USP10: variants seen among roughly 807,000 people sequenced by gnomAD.
The protein encoded by USP10 is ubiquitin carboxyl-terminal hydrolase 10.
USP10 carries 22 observed loss-of-function variants against 84.5 expected under a neutral mutation model. The ratio of observed to expected loss-of-function variants is 0.26; its 90% confidence interval spans 0.19 to 0.37. The LOEUF (loss-of-function observed/expected upper bound fraction) is 0.37, where lower values mean the gene tolerates loss of function less well. USP10 is among the 10% of genes least tolerant of loss of function. USP10 has a pLI of 1.00. For synonymous variants in USP10, 454 were observed against 387.6 expected (o/e 1.17, Z -2.01); for missense variants, 1,019 against 998.9 (o/e 1.02, Z -0.27).
intron 1 of USP10, chr16:84,732,441 C>CTTTTT: frequency 2.5e-6 from 1 of 397,196 alleles, no homozygotes. Context: ...ACTTCTTCTT[C>CTTTTT]TTCTTTTTTT....
chr16:84,723,051 C>T (rs775743453), intron 1 of USP10, among the ~76,000 whole-genome samples: 7 of 151,776 alleles, frequency 4.6e-5, no homozygotes, highest in Non-Finnish European at 8.8e-5. Flanking sequence ...CACTGGAAAC[C>T]GGTGGTCTTA....
At chr16:84,738,433 T>G (rs953752729) in intron 2 of USP10, among the ~76,000 whole-genome samples, 9 of 152,198 alleles carry the variant, frequency 5.9e-5, no homozygotes, top group Non-Finnish European at 1.3e-4. Context: ...CTAAACTGTC[T>G]TCTTTGACCA....
intron 4 of USP10, among the ~76,000 whole-genome samples, chr16:84,747,894 G>T (rs765232247): frequency 1.4e-4 from 22 of 151,970 alleles, no homozygotes; most frequent in Non-Finnish European, 2.5e-4. Context: ...ACAGCTTTCA[G>T]AATGTATTTA....
intron 11 of USP10, among the ~76,000 whole-genome samples, chr16:84,769,005 G>T (rs995392785): frequency 6.6e-6 from 1 of 152,206 alleles, no homozygotes; most frequent in Admixed American, 6.5e-5. Context: ...CTGTCCAGAT[G>T]TGCCAGCTTA....
At chr16:84,716,016 A>G (rs1277561823) in intron 1 of USP10, among the ~76,000 whole-genome samples, 1 of 152,080 alleles carries the variant, frequency 6.6e-6, no homozygotes, top group African/African-American at 2.4e-5. Context: ...GTCGTCCCTC[A>G]ACCAGAGCAC....
At chr16:84,738,601 A>G (rs1283495685) in intron 2 of USP10, among the ~76,000 whole-genome samples, 1 of 152,172 alleles carries the variant, frequency 6.6e-6, no homozygotes, top group African/African-American at 2.4e-5. Flanking sequence ...AGTGTAGCCC[A>G]TCTCAGCATA....
Position 84,777,063 on chromosome 16 carries a change from A to C in USP10, c.2210-1832A>C, listed in dbSNP as rs189823936. On this transcript the variant is annotated intron_variant, in intron 13 of 13. Transcript: ENST00000219473. ...CTGATCTTGGAAATGAGGTCACCGG[A>C]CTGGTTAGAATTACCTGTAGAGTGA... Among the ~76,000 whole-genome samples, 9 of 152,318 alleles carry C rather than the reference A, an allele frequency of 5.9e-5. No individual in the cohort carries two copies. The East Asian group carries it at 1.5e-3, about 26-fold the overall frequency.
chr16:84,757,116 A>C (rs1475938498), intron 4 of USP10, among the ~76,000 whole-genome samples: 2 of 152,120 alleles, frequency 1.3e-5, no homozygotes, highest in African/African-American at 4.8e-5. Flanking sequence ...CTTCTAGCAC[A>C]GTGTCCCTCA....
At chr16:84,774,681 A>G (rs1454676331) in intron 12 of USP10, among the ~76,000 whole-genome samples, 3 of 152,118 alleles carry the variant, frequency 2.0e-5, no homozygotes, top group Non-Finnish European at 4.4e-5. Flanking sequence ...TGTATTAGCC[A>G]GGATGGTCTC....
At position 84,731,222 on chromosome 16, in the gene USP10, G is replaced by A. The variant is rs765650966; in HGVS notation, c.22-2213G>A. Among the ~76,000 whole-genome samples, 6 of 150,778 alleles carry A rather than the reference G, an allele frequency of 4.0e-5. No individual in the cohort carries two copies. The East Asian group carries it at 5.8e-4, about 15-fold the overall frequency. Reference sequence around the variant, plus strand: ...TCTCGATCTTCTGACCTCATGATCCGCCCACCTCGGCCTCCCAGAGTGCTG... The same window carrying A: ...TCTCGATCTTCTGACCTCATGATCCACCCACCTCGGCCTCCCAGAGTGCTG... On this transcript the variant is annotated intron_variant, in intron 1 of 13. Coordinates refer to ENST00000219473, the MANE Select transcript of USP10 (RefSeq NM_005153.3).
At chr16:84,755,609 C>G (rs1912441704) in intron 4 of USP10, among the ~76,000 whole-genome samples, 1 of 152,020 alleles carries the variant, frequency 6.6e-6, no homozygotes, top group Non-Finnish European at 1.5e-5. Context: ...GCACTCCAGC[C>G]TGGGTAATAG....
intron 1 of USP10, among the ~76,000 whole-genome samples, chr16:84,728,037 A>G (rs1368463349): frequency 2.0e-5 from 3 of 152,190 alleles, no homozygotes; most frequent in South Asian, 2.1e-4. Flanking sequence ...GCCTTTCAGG[A>G]TATTGACTTT....
intron 1 of USP10, among the ~76,000 whole-genome samples, chr16:84,701,201 G>T (rs1904819717): frequency 6.6e-6 from 1 of 152,168 alleles, no homozygotes; most frequent in South Asian, 2.1e-4. Context: ...ATGATTTTCG[G>T]AACTATTGTA....
chr16:84,762,084 G>T (rs1913273704), intron 8 of USP10, among the ~76,000 whole-genome samples: 1 of 152,248 alleles, frequency 6.6e-6, no homozygotes, highest in Admixed American at 6.5e-5. Context: ...CTGATGATAA[G>T]TAACAGAATC....
In USP10 at chr16:84,700,122, G is replaced by T; in HGVS notation, c.21+11G>T. ...CTCCACAGCCCGCAGGTAGCCGCCG[G>T]TCTGCGCCTTCGGCCGGAAGGGGCC... On this transcript the variant is annotated intron_variant, in intron 1 of 13. Coordinates refer to ENST00000219473, the MANE Select transcript of USP10 (RefSeq NM_005153.3). The T allele has an allele frequency of 7.4e-7, 1 of 1,342,386 alleles. No homozygotes were observed. Among genetic ancestry groups the T allele is most frequent in the East Asian group, 4.0e-5 (1 of 24,930 alleles). The allele number at this position is 1,342,386 out of a possible 1,614,324, so 83.2% of individuals were successfully genotyped here.
chr16:84,719,329 C>A (rs556942055), intron 1 of USP10, among the ~76,000 whole-genome samples: 1 of 152,308 alleles, frequency 6.6e-6, no homozygotes, highest in South Asian at 2.1e-4. Context: ...TCTCCCACCT[C>A]CTCAGTTGCC....
intron 11 of USP10, among the ~76,000 whole-genome samples, chr16:84,769,396 T>C (rs1432990925): frequency 1.3e-5 from 2 of 152,178 alleles, no homozygotes; most frequent in Non-Finnish European, 2.9e-5. Flanking sequence ...TTCTACCGTA[T>C]TTGCAGACTT....
chr16:84,758,925 C>G, intron 5 of USP10, 118 bp downstream of exon 5: 3 of 751,606 alleles, frequency 4.0e-6, no homozygotes, highest in South Asian at 1.6e-5. Flanking sequence ...ATCCCTAAGT[C>G]TGGTTTATTA....
In USP10 at chr16:84,760,320, G is replaced by C. The variant is rs376290801; in HGVS notation, c.1554+45G>C. 6.4e-5 allele frequency: 97 copies of C among 1,514,564 alleles called. No individual in the cohort carries two copies. The Middle Eastern group carries it at 2.9e-3, about 45-fold the overall frequency. The allele number at this position is 1,514,564 out of a possible 1,614,324, so 93.8% of individuals were successfully genotyped here. On this transcript the variant is annotated intron_variant, in intron 8 of 13. Transcript: ENST00000219473. ...TCACTAGTATCAAGTGTTGCCTTTTGTTCCAGTGTTTGTGTGGTAACTGTT... is the reference window on the plus strand; with the variant it reads ...TCACTAGTATCAAGTGTTGCCTTTTCTTCCAGTGTTTGTGTGGTAACTGTT...
Sources: gnomAD v4.1 joint callset for allele counts (sites outside exome capture counted in the v4.1 genomes callset) on GRCh38, gnomAD v4.1.1 for gene constraint, MANE v1.5 for transcripts, NCBI Gene and HGNC (gene_info 2026-07-23, HGNC 2026-07-21) for gene names.